Variants in COL26A1 observed in about 807,000 individuals in gnomAD.
The protein encoded by COL26A1 is collagen type XXVI alpha 1 chain, also known as collagen alpha-1(XXVI) chain.
Under a neutral mutation model 59.3 loss-of-function variants are expected in COL26A1, and 41 were observed. That is an observed-to-expected ratio of 0.69 (90% CI 0.54 to 0.90). The LOEUF (loss-of-function observed/expected upper bound fraction) is 0.90. Ranked by LOEUF, COL26A1 falls within the 40% of genes least tolerant of loss-of-function variation. COL26A1 has a pLI of 0.00. For synonymous variants in COL26A1, 266 were observed against 256.0 expected (o/e 1.04, Z -0.37); for missense variants, 612 against 602.3 (o/e 1.02, Z -0.17).
chr7:101,388,153 C>CT (rs982984178), intron 1 of COL26A1, among the ~76,000 whole-genome samples: 47 of 151,920 alleles, frequency 3.1e-4, no homozygotes, highest in African/African-American at 1.1e-3. Context: ...CACCATCCAT[C>CT]TCTGGAACTC....
chr7:101,466,795 G>GGTGGGT, intron 3 of COL26A1, among the ~76,000 whole-genome samples: 2 of 125,246 alleles, frequency 1.6e-5, no homozygotes, highest in East Asian at 4.7e-4. Context: ...GGCATGTTCT[G>GGTGGGT]GTGTGTGTGT....
intron 3 of COL26A1, among the ~76,000 whole-genome samples, chr7:101,519,812 C>A (rs933303082): frequency 1.3e-5 from 2 of 152,212 alleles, no homozygotes; most frequent in Admixed American, 6.5e-5. Context: ...TCCCTCCTCT[C>A]TCCTCGGGAA....
At chr7:101,437,997 G>T (rs143241726) in intron 2 of COL26A1, among the ~76,000 whole-genome samples, 2,536 of 151,840 alleles carry the variant, frequency 0.017, 94 homozygotes, top group African/African-American at 0.056. Flanking sequence ...ACAGGCATGA[G>T]CCACTGTGCC....
chr7:101,473,809 A>C (rs1176477531), intron 3 of COL26A1, among the ~76,000 whole-genome samples: 1 of 152,098 alleles, frequency 6.6e-6, no homozygotes, highest in African/African-American at 2.4e-5. Context: ...AACTATGATT[A>C]TTCCACCAAA....
chr7:101,420,729 G>C (rs1290352009), intron 2 of COL26A1, among the ~76,000 whole-genome samples: 2 of 117,060 alleles, frequency 1.7e-5, no homozygotes, highest in Admixed American at 9.0e-5. Flanking sequence ...CCTCTCACCA[G>C]CCCCGCCCAT....
At chr7:101,507,554 T>TA (rs879712199) in intron 3 of COL26A1, among the ~76,000 whole-genome samples, 3,129 of 152,092 alleles carry the variant, frequency 0.021, 47 homozygotes, top group Middle Eastern at 0.082. Flanking sequence ...CCTGAGTAGC[T>TA]GGGACCACAG....
chr7:101,489,667 TCCTTCCTTCCTTC>T lies in COL26A1; in HGVS notation c.385+41882_385+41894del, dbSNP rs1442755462. 6.0e-5 allele frequency among the ~76,000 whole-genome samples: 3 copies of T among 50,264 alleles called. 1 individual carries two copies. The highest frequency in any genetic ancestry group is 1.1e-4 in the Non-Finnish European group (3 of 27,520). The allele number at this position is 50,264 out of a possible 152,430, so 33.0% of individuals were successfully genotyped here. On this transcript the variant is annotated intron_variant, in intron 3 of 12. Transcript: ENST00000313669. ...TTTCTTTCTTTCTTTCTTTCTTCCT[TCCTTCCTTCCTTC>T]CTTTCTTTCTTTCTTTCTGTCTTTC...
intron 6 of COL26A1, 126 bp downstream of exon 6, chr7:101,544,222 G>A (rs1266891716): frequency 5.4e-5 from 36 of 666,048 alleles, no homozygotes; most frequent in Non-Finnish European, 8.1e-5. Flanking sequence ...CCAGAAAAAC[G>A]GGGTCTTTTT....
intron 3 of COL26A1, among the ~76,000 whole-genome samples, chr7:101,482,629 T>G (rs1794181562): frequency 6.6e-6 from 1 of 152,176 alleles, no homozygotes; most frequent in African/African-American, 2.4e-5. Context: ...GTTCCTGTCT[T>G]ACTCCTGCTT....
In COL26A1 at chr7:101,362,892, A is replaced by G. The variant is rs1158601907; in HGVS notation, c.-141A>G. On this transcript the variant is annotated 5_prime_UTR_variant, in exon 1 of 13. Transcript: ENST00000313669. ...GCGTGGGCGCCCCCCACACATTTCC[A>G]GCTCGCACCCGGGCTCCGACCGCTC... is the stretch of plus-strand genomic sequence containing the variant. 8 of 827,980 alleles carry G rather than the reference A, an allele frequency of 9.7e-6. No individual in the cohort carries two copies. In the African/African-American group the frequency reaches 1.5e-4, roughly 15 times the overall value. 51.3% of individuals were successfully genotyped at this position (827,980 alleles called of 1,614,324 possible).
intron 3 of COL26A1, among the ~76,000 whole-genome samples, chr7:101,473,517 G>A (rs984674029): frequency 2.0e-5 from 3 of 151,314 alleles, no homozygotes; most frequent in Non-Finnish European, 4.4e-5. Context: ...GCTCATACAG[G>A]CAACCTCAGC....
intron 1 of COL26A1, among the ~76,000 whole-genome samples, chr7:101,378,306 C>A (rs147860105): frequency 1.4e-3 from 215 of 152,230 alleles, no homozygotes; most frequent in East Asian, 5.2e-3. Flanking sequence ...GGCTGTGAGG[C>A]AGGGATTTAA....
At chr7:101,398,320 A>G (rs543506306) in intron 1 of COL26A1, among the ~76,000 whole-genome samples, 7 of 152,300 alleles carry the variant, frequency 4.6e-5, no homozygotes, top group East Asian at 3.9e-4. Context: ...CACTTAGCCA[A>G]TGTCACCTGG....
chr7:101,393,033 C>T (rs1365162411), intron 1 of COL26A1, among the ~76,000 whole-genome samples: 1 of 146,738 alleles, frequency 6.8e-6, no homozygotes, highest in African/African-American at 2.5e-5. Context: ...GATGGAGTCT[C>T]GCTCTATTGC....
chr7:101,513,209 T>C (rs2130590620), intron 3 of COL26A1, among the ~76,000 whole-genome samples: 1 of 152,134 alleles, frequency 6.6e-6, no homozygotes, highest in South Asian at 2.1e-4. Flanking sequence ...GGTTTCACCA[T>C]GTTGGCCAGG....
chr7:101,365,713 T>C (rs10234346), intron 1 of COL26A1, among the ~76,000 whole-genome samples: 92,073 of 151,412 alleles, frequency 0.61, 30,629 homozygotes, highest in African/African-American at 0.9. Flanking sequence ...CATGAGCCAC[T>C]GTGCTTGGTC....
At chr7:101,366,453 A>T (rs1791048133) in intron 1 of COL26A1, among the ~76,000 whole-genome samples, 1 of 108,778 alleles carries the variant, frequency 9.2e-6, no homozygotes, top group South Asian at 3.3e-4. Context: ...TTTCATTGTT[A>T]CTGCTCCTTG....
At chr7:101,499,767 A>C (rs974424446) in intron 3 of COL26A1, among the ~76,000 whole-genome samples, 1 of 151,314 alleles carries the variant, frequency 6.6e-6, no homozygotes, top group African/African-American at 2.4e-5. Flanking sequence ...GTCCTAGCTA[A>C]TCTGGAGGCT....
rs1447166019 is a variant in COL26A1, at chr7:101,531,591, G to A, written c.386-1491G>A. On this transcript the variant is annotated intron_variant, in intron 3 of 12. Transcript: ENST00000313669. ...GGTAGAAGGGAGGGAAGGAGGGAGA[G>A]GGGCCCTCTGCTAGGCCACATGTCA... 2.6e-5 allele frequency among the ~76,000 whole-genome samples: 4 copies of A among 152,204 alleles called. No homozygotes were observed. In the East Asian group the frequency reaches 5.8e-4, roughly 22 times the overall value.
Sources: gnomAD v4.1 joint callset for allele counts (sites outside exome capture counted in the v4.1 genomes callset) on GRCh38, gnomAD v4.1.1 for gene constraint, MANE v1.5 for transcripts, NCBI Gene and HGNC (gene_info 2026-07-23, HGNC 2026-07-21) for gene names.